The following ZNF385D variants were observed in gnomAD, a reference collection of about 807,000 sequenced individuals.
ZNF385D encodes zinc finger protein 385D.
Under a neutral mutation model 35.8 loss-of-function variants are expected in ZNF385D, and 15 were observed. That is an observed-to-expected ratio of 0.42 (90% confidence interval 0.28 to 0.64). The LOEUF is 0.64. Among genes scored for constraint, ZNF385D ranks in the 30% least tolerant of loss-of-function variants. The pLI, the probability that ZNF385D is intolerant of heterozygous loss-of-function variation, is 0.23. For synonymous variants in ZNF385D, 212 were observed against 186.8 expected (o/e 1.13, Z -1.10); for missense variants, 474 against 494.6 (o/e 0.96, Z 0.39).
At chr3:21,859,886 G>A (rs905137133) in intron 3 of ZNF385D, among the ~76,000 whole-genome samples, 4 of 151,980 alleles carry the variant, frequency 2.6e-5, no homozygotes, top group African/African-American at 9.7e-5. Context: ...GAAGATTCAT[G>A]CATTATGTAT....
intron 4 of ZNF385D, among the ~76,000 whole-genome samples, chr3:21,476,572 G>GTT (rs1704264861): frequency 6.6e-6 from 1 of 151,686 alleles, no homozygotes; most frequent in African/African-American, 2.4e-5. Context: ...GTGTGTGTGT[G>GTT]CATGCGTGTG....
Position 21,420,837 on chromosome 3 carries a change from T to C in ZNF385D, c.*377A>G, listed in dbSNP as rs1201880209. 1.2e-5 allele frequency: 2 copies of C among 167,766 alleles called. No homozygotes were observed. Among genetic ancestry groups the C allele is most frequent in the East Asian group, 1.7e-4 (1 of 6,008 alleles). 10.4% of individuals were successfully genotyped at this position (167,766 alleles called of 1,614,324 possible). A position where few individuals can be genotyped will look rare whatever the true frequency, so the allele number is the denominator to read the frequency against. ...TACAGAGTAAATTATTTTATATACA[T>C]TGGAACCAGTTAATGCCCTTAGACA... On this transcript the variant is annotated 3_prime_UTR_variant, in exon 8 of 8. Coordinates refer to ENST00000281523, the MANE Select transcript of ZNF385D (RefSeq NM_024697.3).
At chr3:22,193,459 A>G (rs1363743931) in intron 2 of ZNF385D, among the ~76,000 whole-genome samples, 1 of 152,116 alleles carries the variant, frequency 6.6e-6, no homozygotes, top group Non-Finnish European at 1.5e-5. Flanking sequence ...AACGAATATT[A>G]CATAGGATGC....
At chr3:21,564,778 G>C (rs1016010555) in intron 2 of ZNF385D, 94 bp from the exon 3 acceptor site, 5 of 576,734 alleles carry the variant, frequency 8.7e-6, no homozygotes, top group Middle Eastern at 3.4e-4. Flanking sequence ...AATCTGTACA[G>C]CTTCAATCTA....
intron 2 of ZNF385D, among the ~76,000 whole-genome samples, chr3:22,283,308 A>C (rs1011042672): frequency 6.6e-6 from 1 of 152,120 alleles, no homozygotes; most frequent in African/African-American, 2.4e-5. Context: ...CAATGGACTT[A>C]AACTAAACCC....
intron 2 of ZNF385D, among the ~76,000 whole-genome samples, chr3:22,199,169 G>T (rs1249792602): frequency 1.3e-5 from 2 of 151,912 alleles, no homozygotes; most frequent in Non-Finnish European, 2.9e-5. Flanking sequence ...CATTGTTTTT[G>T]CCATTTTAAG....
At chr3:21,564,746 TTGC>T (rs2063081694) in intron 2 of ZNF385D, 62 bp from the exon 3 acceptor site, 4 of 1,114,468 alleles carry the variant, frequency 3.6e-6, no homozygotes, top group Non-Finnish European at 3.8e-6. Context: ...CATTGGAATT[TTGC>T]CTATTTCATT....
Position 21,439,297 on chromosome 3 carries a change from CAA to C in ZNF385D, c.440-2096_440-2095del, listed in dbSNP as rs143786633. Among the ~76,000 whole-genome samples the C allele has an allele frequency of 5.7e-3, 507 of 89,254 alleles. 1 individual carries two copies. Among genetic ancestry groups the C allele is most frequent in the Middle Eastern group, 0.012 (2 of 172 alleles). The allele number at this position is 89,254 out of a possible 152,430, so 58.6% of individuals were successfully genotyped here. A position where few individuals can be genotyped will look rare whatever the true frequency, so the allele number is the denominator to read the frequency against. ...GGAACAAGAAAATCAGATTTTGAGGCAAAAAAAAAAAAAAAAAAAAAAGTTGG... is the reference window on the plus strand; with the variant it reads ...GGAACAAGAAAATCAGATTTTGAGGCAAAAAAAAAAAAAAAAAAAAGTTGG... On this transcript the variant is annotated intron_variant, in intron 4 of 7. Transcript: ENST00000281523.
chr3:22,340,454 T>C (rs1456182549), intron 2 of ZNF385D, among the ~76,000 whole-genome samples: 1 of 152,150 alleles, frequency 6.6e-6, no homozygotes, highest in East Asian at 1.9e-4. Context: ...CAGACCAGCC[T>C]GGCCAACATG....
chr3:22,180,780 A>G (rs968800877), intron 2 of ZNF385D, among the ~76,000 whole-genome samples: 3 of 152,180 alleles, frequency 2.0e-5, no homozygotes, highest in Admixed American at 1.3e-4. Context: ...TTGATGGGAC[A>G]TATCTCAAAA....
At chr3:21,463,384 C>G (rs1010398612) in intron 4 of ZNF385D, among the ~76,000 whole-genome samples, 2 of 152,142 alleles carry the variant, frequency 1.3e-5, no homozygotes, top group Non-Finnish European at 2.9e-5. Flanking sequence ...ATTGCTTTCA[C>G]AATTAGAAAA....
chr3:21,882,967 T>C (rs1698355030), intron 3 of ZNF385D, among the ~76,000 whole-genome samples: 1 of 151,980 alleles, frequency 6.6e-6, no homozygotes, highest in Admixed American at 6.6e-5. Flanking sequence ...TGGAGAATAG[T>C]ATATAATTTG....
At chr3:21,879,512 TCTG>T (rs1039146071) in intron 3 of ZNF385D, among the ~76,000 whole-genome samples, 1 of 152,070 alleles carries the variant, frequency 6.6e-6, no homozygotes, top group African/African-American at 2.4e-5. Context: ...TATTAGCTGA[TCTG>T]CTGTAAACTT....
intron 2 of ZNF385D, among the ~76,000 whole-genome samples, chr3:22,328,846 C>T (rs749840095): frequency 6.6e-6 from 1 of 151,668 alleles, no homozygotes; most frequent in Non-Finnish European, 1.5e-5. Flanking sequence ...GAAGCCGAGG[C>T]GGGCGGATCA....
intron 2 of ZNF385D, among the ~76,000 whole-genome samples, chr3:22,349,581 T>C (rs963611449): frequency 2.0e-5 from 3 of 152,208 alleles, no homozygotes; most frequent in Non-Finnish European, 2.9e-5. Flanking sequence ...ACATCTTTTA[T>C]AAGATTTGAC....
At chr3:21,661,600 A>G (rs990231107) in intron 2 of ZNF385D, among the ~76,000 whole-genome samples, 3 of 152,164 alleles carry the variant, frequency 2.0e-5, no homozygotes, top group African/African-American at 7.2e-5. Flanking sequence ...CTGAAACTCT[A>G]ATGTCTTAAG....
In ZNF385D at chr3:21,791,356, T is replaced by G. The variant is rs377492672; in HGVS notation, c.326-126328A>C. Reference sequence around the variant, plus strand: ...TAAGAAACAAACATAAAATATGCAGTGGCATGTGATATTAGGGGACAAATG... The same window carrying G: ...TAAGAAACAAACATAAAATATGCAGGGGCATGTGATATTAGGGGACAAATG... On this transcript the variant is annotated intron_variant, in intron 3 of 5. Coordinates refer to the ZNF385D transcript ENST00000494108. Among the ~76,000 whole-genome samples, 45 of 152,290 alleles carry G rather than the reference T, an allele frequency of 3.0e-4. No homozygotes were observed. The South Asian group carries it at 3.9e-3, about 13-fold the overall frequency.
chr3:22,338,053 A>T (rs546633132), intron 2 of ZNF385D, among the ~76,000 whole-genome samples: 8 of 152,336 alleles, frequency 5.3e-5, no homozygotes, highest in Non-Finnish European at 8.8e-5. Flanking sequence ...CTTACAGCTT[A>T]TAACATATGC....
intron 2 of ZNF385D, among the ~76,000 whole-genome samples, chr3:21,626,244 G>T (rs62237376): frequency 0.096 from 14,615 of 152,066 alleles, 923 homozygotes; most frequent in East Asian, 0.14. Context: ...CCCCTCATAT[G>T]TGTCCTTTGG....
Sources: allele counts gnomAD v4.1 joint callset (sites outside exome capture counted in the v4.1 genomes callset), GRCh38; gene constraint gnomAD v4.1.1; transcripts MANE v1.5; gene names NCBI Gene and HGNC (gene_info 2026-07-23, HGNC 2026-07-21).